The following TIAM1 variants were observed in gnomAD, a reference collection of about 807,000 sequenced individuals.
The protein encoded by TIAM1 is TIAM Rac1 associated GEF 1, also known as rho guanine nucleotide exchange factor TIAM1.
A neutral mutation model predicts 163.5 loss-of-function variants in TIAM1; 65 were observed. That is an observed-to-expected ratio of 0.40 (90% CI 0.33 to 0.49). TIAM1 has a LOEUF of 0.49. Among genes scored for constraint, TIAM1 ranks in the 20% least tolerant of loss-of-function variants. The pLI is 0.77. For synonymous variants in TIAM1, 833 were observed against 810.1 expected (o/e 1.03, Z -0.48); for missense variants, 1,789 against 2,044.7 (o/e 0.87, Z 2.41).
intron 1 of TIAM1, among the ~76,000 whole-genome samples, chr21:31,501,403 G>A (rs751469254): frequency 6.6e-5 from 10 of 151,470 alleles, no homozygotes; most frequent in South Asian, 2.1e-4. Context: ...GAGAGTCAAC[G>A]CAAAGCAGAA....
chr21:31,181,477 T>C (rs2085010274), intron 15 of TIAM1, among the ~76,000 whole-genome samples: 1 of 150,514 alleles, frequency 6.6e-6, no homozygotes, highest in African/African-American at 2.4e-5. Context: ...TGAGCACAGG[T>C]TGCCAGAAGG....
intron 6 of TIAM1, 89 bp from the exon 7 acceptor site, chr21:31,226,039 T>C (rs1601618189): frequency 4.2e-6 from 5 of 1,197,444 alleles, no homozygotes; most frequent in Admixed American, 2.1e-5. Flanking sequence ...AAGCAATGCC[T>C]GGGAGTCGAG....
At chr21:31,476,325 A>G (rs911418403) in intron 1 of TIAM1, among the ~76,000 whole-genome samples, 1 of 152,342 alleles carries the variant, frequency 6.6e-6, no homozygotes, top group African/African-American at 2.4e-5. Flanking sequence ...GTGCTGACAG[A>G]AAGATTAAGG....
At position 31,524,405 on chromosome 21, in the gene TIAM1, GC is replaced by G. The variant is rs544549471; in HGVS notation, c.-422+34521del. Among the ~76,000 whole-genome samples the G allele has an allele frequency of 1.2e-4, 19 of 152,098 alleles. 1 individual carries two copies. In the South Asian group the frequency reaches 3.7e-3, roughly 30 times the overall value. Reference sequence around the variant, plus strand: ...AACTGCACCAAGCCAAGAGGGATCCGCCCCCACAACACAAACACCTCCCACC... The same window carrying G: ...AACTGCACCAAGCCAAGAGGGATCCGCCCCACAACACAAACACCTCCCACC... On this transcript the variant is annotated intron_variant, in intron 1 of 28. Coordinates refer to the TIAM1 transcript ENST00000286827.
intron 1 of TIAM1, among the ~76,000 whole-genome samples, chr21:31,496,427 A>C (rs2046643964): frequency 7.3e-6 from 1 of 136,258 alleles, no homozygotes; most frequent in Non-Finnish European, 1.5e-5. Context: ...CCAAGATTGC[A>C]TCACTGCACT....
chr21:31,427,205 G>A (rs541128158), intron 2 of TIAM1, among the ~76,000 whole-genome samples: 42 of 152,282 alleles, frequency 2.8e-4, no homozygotes, highest in Non-Finnish European at 4.7e-4. Flanking sequence ...AAAGGTCATC[G>A]ACCGGGCACA....
At chr21:31,551,522 T>A (rs1275526258) in intron 1 of TIAM1, among the ~76,000 whole-genome samples, 1 of 152,176 alleles carries the variant, frequency 6.6e-6, no homozygotes, top group African/African-American at 2.4e-5. Flanking sequence ...GAGGATCGCT[T>A]GAGTCCAGGA....
chr21:31,288,635 C>G (rs918797769), intron 2 of TIAM1, among the ~76,000 whole-genome samples: 2 of 152,074 alleles, frequency 1.3e-5, no homozygotes, highest in Non-Finnish European at 2.9e-5. Flanking sequence ...TAGCAACTCC[C>G]AAAAAACTTA....
In TIAM1 at chr21:31,124,742, T is replaced by C. The variant is rs765282334; in HGVS notation, c.4134-48A>G. On this transcript the variant is annotated intron_variant, in intron 26 of 27. Transcript: ENST00000541036. ...TGTTAGAGAATCAGGGCTTAACACA[T>C]GGGGAACTTCTAAGGTTATCAGGTG... The C allele has an allele frequency of 8.1e-6, 12 of 1,477,496 alleles. No individual in the cohort carries two copies. In the South Asian group the frequency reaches 1.3e-4, roughly 16 times the overall value. The allele number at this position is 1,477,496 out of a possible 1,614,324, so 91.5% of individuals were successfully genotyped here. A position where few individuals can be genotyped will look rare whatever the true frequency, so the allele number is the denominator to read the frequency against.
intron 2 of TIAM1, among the ~76,000 whole-genome samples, chr21:31,368,792 C>A (rs373928109): frequency 6.6e-6 from 1 of 152,088 alleles, no homozygotes; most frequent in South Asian, 2.1e-4. Flanking sequence ...AAAATACAAG[C>A]GTCTAGACTC....
chr21:31,387,521 T>C (rs1300907527), intron 2 of TIAM1, among the ~76,000 whole-genome samples: 3 of 151,936 alleles, frequency 2.0e-5, no homozygotes, highest in Non-Finnish European at 4.4e-5. Flanking sequence ...CCTGTCTTTT[T>C]TCAAGGAGAG....
intron 13 of TIAM1, among the ~76,000 whole-genome samples, chr21:31,194,214 C>G (rs1007654405): frequency 6.6e-5 from 10 of 151,978 alleles, no homozygotes; most frequent in African/African-American, 2.2e-4. Context: ...CATGAGACAA[C>G]GAACCGTGGG....
In TIAM1 at chr21:31,163,634, TAC is replaced by T. The variant is rs1380678696; in HGVS notation, c.2991+1326_2991+1327del. On this transcript the variant is annotated intron_variant, in intron 16 of 27. Transcript: ENST00000541036. ...GCACACAAGAAAGTCCTACAGAATA[TAC>T]ACATACAGGGGGAATCAAAACAGGA... Among the ~76,000 whole-genome samples, 5 of 152,286 alleles carry T rather than the reference TAC, an allele frequency of 3.3e-5. No homozygotes were observed. The East Asian group carries it at 9.6e-4, about 29-fold the overall frequency.
intron 2 of TIAM1, among the ~76,000 whole-genome samples, chr21:31,398,271 G>C (rs1221100881): frequency 6.6e-6 from 1 of 150,518 alleles, no homozygotes; most frequent in Non-Finnish European, 1.5e-5. Context: ...CCTGTTTTCA[G>C]AAAGGCGTGT....
intron 2 of TIAM1, among the ~76,000 whole-genome samples, chr21:31,309,975 C>A (rs1019958945): frequency 5.3e-5 from 8 of 152,162 alleles, no homozygotes; most frequent in East Asian, 3.8e-4. Context: ...AATCAAATAC[C>A]CAGCTACCAA....
rs139694886 is a variant in TIAM1, at chr21:31,499,446, C to A, written c.-421-35411G>T. ...CATGGCAGTACACGCTGCACGGGGG[C>A]ATGAGGATCACTTGAGACCAGGAGT... On this transcript the variant is annotated intron_variant, in intron 1 of 28. Coordinates refer to the TIAM1 transcript ENST00000286827. Among the ~76,000 whole-genome samples the A allele has an allele frequency of 6.6e-5, 10 of 151,986 alleles. No homozygotes were observed. In the East Asian group the frequency reaches 1.9e-3, roughly 30 times the overall value.
chr21:31,168,429 C>G (rs1378676304), intron 15 of TIAM1, among the ~76,000 whole-genome samples: 1 of 150,088 alleles, frequency 6.7e-6, no homozygotes, highest in African/African-American at 2.5e-5. Context: ...GAGATGGAGT[C>G]TCGCTCTGTG....
rs762436879 is a variant in TIAM1, at chr21:31,266,557, G to T, written c.416C>A (p.Ala139Asp). ...CCTGCCTCCCTCAGCCAAATATGTA[G>T]CGTCATCCCCGTAAAGCCTGCTCTC... ...TEESRLYGDD[A>D]TYLAEGGRRQ... The change falls in exon 4 of 28, where the codon GCT becomes GAT. Residue 139 changes from alanine to aspartate, a missense_variant. Ala to Asp is a moderately radical substitution (Grantham distance 126). This residue lies in a region of TIAM1 where 555 missense variants were observed against 564.9 expected (regional missense o/e 0.98). Transcript: ENST00000541036. 1.9e-6 allele frequency: 3 copies of T among 1,614,154 alleles called. No individual in the cohort carries two copies. The South Asian group carries it at 3.3e-5, about 18-fold the overall frequency.
At chr21:31,432,653 G>A (rs1430074398) in intron 2 of TIAM1, among the ~76,000 whole-genome samples, 1 of 152,186 alleles carries the variant, frequency 6.6e-6, no homozygotes, top group Admixed American at 6.5e-5. Flanking sequence ...GGAGGGGAAG[G>A]CACAGTAAGA....
Sources: allele counts gnomAD v4.1 joint callset (sites outside exome capture counted in the v4.1 genomes callset), GRCh38; gene constraint gnomAD v4.1.1; regional missense constraint gnomAD v4.1.1; transcripts MANE v1.5; gene names NCBI Gene and HGNC (gene_info 2026-07-23, HGNC 2026-07-21).